NRXN1: variants seen among roughly 807,000 people sequenced by gnomAD.
The protein encoded by NRXN1 is neurexin 1.
NRXN1 carries 39 observed loss-of-function variants against 150.9 expected under a neutral mutation model. The observed-to-expected ratio is 0.26, with a 90% CI of 0.20 to 0.34. The LOEUF (loss-of-function observed/expected upper bound fraction) is 0.34, where lower values mean the gene tolerates loss of function less well. Ranked by LOEUF, NRXN1 falls within the 10% of genes least tolerant of loss-of-function variation. The probability of loss-of-function intolerance (pLI) is 1.00; values close to 1 mark genes in which losing one functional copy is unlikely to be tolerated. For missense variants in NRXN1, 1,815 were observed against 1,949.9 expected (o/e 0.93, Z 1.30); for synonymous variants, 924 against 757.0 (o/e 1.22, Z -3.62).
At chr2:50,368,720 T>C (rs2079787022) in intron 17 of NRXN1, among the ~76,000 whole-genome samples, 2 of 151,994 alleles carry the variant, frequency 1.3e-5, no homozygotes. Flanking sequence ...AGAAGTAGGC[T>C]AATTTTTTAT....
At chr2:50,386,887 T>C (rs537681490) in intron 17 of NRXN1, among the ~76,000 whole-genome samples, 1 of 152,272 alleles carries the variant, frequency 6.6e-6, no homozygotes, top group East Asian at 1.9e-4. Context: ...AGGAACTGGA[T>C]GGTTTATAAA....
In NRXN1 at chr2:50,509,439, T is replaced by C. The variant is rs2092367353; in HGVS notation, c.2375-2822A>G. Among the ~76,000 whole-genome samples, 7 of 152,222 alleles carry C rather than the reference T, an allele frequency of 4.6e-5. No individual in the cohort carries two copies. In the South Asian group the frequency reaches 1.2e-3, roughly 27 times the overall value. ...GCTGAAATGACTGTTCCTAAAGATA[T>C]GACACAGAAGAAGGGACATCATTTT... On this transcript the variant is annotated intron_variant, in intron 12 of 22. Coordinates refer to ENST00000401669, the MANE Select transcript of NRXN1 (RefSeq NM_001330078.2).
At chr2:50,714,788 G>A (rs893262709) in intron 5 of NRXN1, among the ~76,000 whole-genome samples, 2 of 152,128 alleles carry the variant, frequency 1.3e-5, no homozygotes, top group African/African-American at 2.4e-5. Context: ...CAGAGAGTCA[G>A]GATCCCTAGC....
At chr2:50,398,435 G>T (rs1486893458) in intron 17 of NRXN1, among the ~76,000 whole-genome samples, 1 of 151,870 alleles carries the variant, frequency 6.6e-6, no homozygotes, top group Non-Finnish European at 1.5e-5. Flanking sequence ...AATAATAAAA[G>T]AAAAGAAAAC....
chr2:50,596,863 C>CTTTTTT (rs3053104), intron 8 of NRXN1, among the ~76,000 whole-genome samples: 12 of 92,148 alleles, frequency 1.3e-4, no homozygotes, highest in Admixed American at 2.6e-4. Flanking sequence ...ATTCCTAGGA[C>CTTTTTT]TTTTTTTTTT....
At chr2:49,967,910 C>G (rs17439140) in intron 21 of NRXN1, among the ~76,000 whole-genome samples, 250 of 151,812 alleles carry the variant, frequency 1.6e-3, no homozygotes, top group African/African-American at 5.7e-3. Context: ...TGTTTTATAC[C>G]TAGGTATCAT....
chr2:50,776,965 A>C (rs776098832), intron 5 of NRXN1, among the ~76,000 whole-genome samples: 3 of 152,164 alleles, frequency 2.0e-5, no homozygotes, highest in Non-Finnish European at 4.4e-5. Context: ...GCTGAAATCA[A>C]AGATTTAAGT....
At chr2:50,234,559 A>G (rs2065246045) in intron 18 of NRXN1, among the ~76,000 whole-genome samples, 1 of 152,100 alleles carries the variant, frequency 6.6e-6, no homozygotes, top group East Asian at 1.9e-4. Context: ...AGACTTGTTG[A>G]GTCTGTAATG....
At chr2:50,246,917 TC>T (rs1259133662) in intron 17 of NRXN1, among the ~76,000 whole-genome samples, 1 of 152,108 alleles carries the variant, frequency 6.6e-6, no homozygotes, top group African/African-American at 2.4e-5. Flanking sequence ...ATTCTAGGTA[TC>T]CTTATAAAAA....
At chr2:50,269,351 G>T (rs11900135) in intron 17 of NRXN1, among the ~76,000 whole-genome samples, 6,605 of 152,206 alleles carry the variant, frequency 0.043, 453 homozygotes, top group African/African-American at 0.15. Context: ...GTATTTTGTA[G>T]CTGTATTTTC....
At chr2:50,893,735 G>A (rs1016027535) in intron 5 of NRXN1, among the ~76,000 whole-genome samples, 12 of 152,056 alleles carry the variant, frequency 7.9e-5, no homozygotes, top group South Asian at 4.2e-4. Context: ...AAGTATTTTC[G>A]TTTATTAGTA....
intron 18 of NRXN1, among the ~76,000 whole-genome samples, chr2:50,150,560 G>A (rs1466928308): frequency 6.6e-6 from 1 of 151,748 alleles, no homozygotes; most frequent in African/African-American, 2.4e-5. Context: ...TTCCAGTGAG[G>A]TGTATCTGTC....
chr2:50,767,647 G>T (rs1702524028), intron 5 of NRXN1, among the ~76,000 whole-genome samples: 1 of 152,022 alleles, frequency 6.6e-6, no homozygotes, highest in African/African-American at 2.4e-5. Flanking sequence ...GTATTATAAT[G>T]CAATGGTAAA....
At chr2:50,642,035 A>C (rs921067041) in intron 5 of NRXN1, among the ~76,000 whole-genome samples, 3 of 152,164 alleles carry the variant, frequency 2.0e-5, no homozygotes, top group African/African-American at 7.2e-5. Flanking sequence ...TAAAGTATCA[A>C]GGGATAAAAT....
chr2:50,776,323 T>C (rs1703629450), intron 5 of NRXN1, among the ~76,000 whole-genome samples: 2 of 152,146 alleles, frequency 1.3e-5, no homozygotes, highest in Admixed American at 6.6e-5. Flanking sequence ...TTAATTGACA[T>C]GTTATCATTT....
intron 18 of NRXN1, among the ~76,000 whole-genome samples, chr2:50,187,511 A>C (rs1422867759): frequency 6.6e-6 from 1 of 152,010 alleles, no homozygotes; most frequent in Non-Finnish European, 1.5e-5. Flanking sequence ...GTAGTTTGAA[A>C]TCAGGTAGCA....
chr2:50,520,771 G>A (rs116082351), intron 12 of NRXN1, among the ~76,000 whole-genome samples: 3,230 of 151,708 alleles, frequency 0.021, 118 homozygotes, highest in African/African-American at 0.074. Flanking sequence ...TTTATTTATT[G>A]TACTCATCAT....
intron 17 of NRXN1, among the ~76,000 whole-genome samples, chr2:50,432,930 C>T (rs749697560): frequency 3.9e-5 from 6 of 152,132 alleles, no homozygotes; most frequent in African/African-American, 7.2e-5. Flanking sequence ...CCCCGATTTC[C>T]GATTCCCCAT....
intron 5 of NRXN1, among the ~76,000 whole-genome samples, chr2:50,687,936 T>C (rs1691491005): frequency 6.6e-6 from 1 of 152,258 alleles, no homozygotes; most frequent in Admixed American, 6.5e-5. Flanking sequence ...TTCTCTCTGA[T>C]CACCAGATAT....
Sources: allele counts gnomAD v4.1 joint callset (sites outside exome capture counted in the v4.1 genomes callset), GRCh38; gene constraint gnomAD v4.1.1; transcripts MANE v1.5; gene names NCBI Gene and HGNC (gene_info 2026-07-23, HGNC 2026-07-21).